GALNTL6: variants seen among roughly 807,000 people sequenced by gnomAD.
GALNTL6 encodes polypeptide N-acetylgalactosaminyltransferase-like 6.
A neutral mutation model predicts 73.7 loss-of-function variants in GALNTL6; 46 were observed. The ratio of observed to expected loss-of-function variants is 0.62; its 90% CI spans 0.49 to 0.80. The LOEUF (loss-of-function observed/expected upper bound fraction) is 0.80. Ranked by LOEUF, GALNTL6 falls within the 30% of genes least tolerant of loss-of-function variation. GALNTL6 has a pLI of 0.00. For missense variants in GALNTL6, 604 were observed against 755.0 expected (o/e 0.80, Z 2.34); for synonymous variants, 259 against 263.7 (o/e 0.98, Z 0.17).
chr4:172,718,202 T>A (rs1210117813), intron 5 of GALNTL6, among the ~76,000 whole-genome samples: 1 of 152,244 alleles, frequency 6.6e-6, no homozygotes, highest in Non-Finnish European at 1.5e-5. Flanking sequence ...TTCATCGTTA[T>A]GATGATTCAT....
At chr4:172,780,861 G>C (rs943779905) in intron 5 of GALNTL6, among the ~76,000 whole-genome samples, 1 of 152,144 alleles carries the variant, frequency 6.6e-6, no homozygotes, top group African/African-American at 2.4e-5. Flanking sequence ...AACTACATCA[G>C]CTCCCTGGGC....
chr4:172,783,306 T>A (rs1450360594), intron 5 of GALNTL6, among the ~76,000 whole-genome samples: 1 of 149,514 alleles, frequency 6.7e-6, no homozygotes, highest in African/African-American at 2.4e-5. Flanking sequence ...AATTGATCTA[T>A]AGATTCAACA....
chr4:172,134,584 A>C (rs2111025130), intron 2 of GALNTL6, among the ~76,000 whole-genome samples: 1 of 152,298 alleles, frequency 6.6e-6, no homozygotes, highest in Middle Eastern at 3.4e-3. Context: ...ACTGGAGACA[A>C]TGATAAATTA....
intron 2 of GALNTL6, among the ~76,000 whole-genome samples, chr4:171,971,608 C>G (rs140704056): frequency 2.4e-4 from 36 of 152,182 alleles, no homozygotes; most frequent in African/African-American, 7.5e-4. Context: ...GGCATGCAGT[C>G]CTCTCCAAAA....
In GALNTL6 at chr4:173,041,273, T is replaced by A. The variant is rs929042251; in HGVS notation, c.*1173T>A. ...AGCTCATAAAAGGAATTACCATTAA[T>A]AAAGTGTTTCTGACACCATTTTCTG... On this transcript the variant is annotated 3_prime_UTR_variant, in exon 13 of 13. Coordinates refer to ENST00000506823, the MANE Select transcript of GALNTL6 (RefSeq NM_001034845.3). 25 of 152,088 alleles carry A rather than the reference T, an allele frequency of 1.6e-4. No individual in the cohort carries two copies. Among genetic ancestry groups the A allele is most frequent in the African/African-American group, 5.5e-4 (23 of 41,546 alleles). The allele number at this position is 152,088 out of a possible 1,614,324, so 9.4% of individuals were successfully genotyped here. A position where few individuals can be genotyped will look rare whatever the true frequency, so the allele number is the denominator to read the frequency against.
In GALNTL6 at chr4:172,243,732, G is replaced by A. The variant is rs145188781; in HGVS notation, c.247+13968G>A. Among the ~76,000 whole-genome samples, 11 of 152,202 alleles carry A rather than the reference G, an allele frequency of 7.2e-5. No individual in the cohort carries two copies. In the East Asian group the frequency reaches 1.5e-3, roughly 21 times the overall value. On this transcript the variant is annotated intron_variant, in intron 3 of 12. Transcript: ENST00000506823. ...ATTTACCATGCTTTAAATGATTAAC[G>A]GTAGGCTTTCCTAAGTTCCTTTAAA... is the stretch of plus-strand genomic sequence containing the variant.
At position 172,188,781 on chromosome 4, in the gene GALNTL6, A is replaced by G. The variant is rs569863101; in HGVS notation, c.139-40875A>G. Among the ~76,000 whole-genome samples the G allele has an allele frequency of 5.3e-5, 8 of 152,290 alleles. No homozygotes were observed. The South Asian group carries it at 1.5e-3, about 28-fold the overall frequency. Reference sequence around the variant, plus strand: ...TCCCATAGGCAGTGTGAGGAGCAGCAGCAGGAAGCTCTGCTGAGGGAAGAG... The same window carrying G: ...TCCCATAGGCAGTGTGAGGAGCAGCGGCAGGAAGCTCTGCTGAGGGAAGAG... On this transcript the variant is annotated intron_variant, in intron 2 of 12. Coordinates refer to ENST00000506823, the MANE Select transcript of GALNTL6 (RefSeq NM_001034845.3).
At chr4:172,012,414 A>G (rs1250264631) in intron 2 of GALNTL6, among the ~76,000 whole-genome samples, 1 of 152,014 alleles carries the variant, frequency 6.6e-6, no homozygotes, top group African/African-American at 2.4e-5. Context: ...CCCTTCCCAC[A>G]TGTTCTACCA....
chr4:173,026,021 TATTGACAGTTGTTATCCCTCCAAA>T (rs1753215829), intron 12 of GALNTL6, among the ~76,000 whole-genome samples: 1 of 152,204 alleles, frequency 6.6e-6, no homozygotes, highest in Non-Finnish European at 1.5e-5. Context: ...TCCTAGGCAA[TATTGACAGTTGTTATCCCTCCAAA>T]ATTGAGCGCT....
At chr4:172,450,856 A>G (rs1156387599) in intron 5 of GALNTL6, among the ~76,000 whole-genome samples, 2 of 152,206 alleles carry the variant, frequency 1.3e-5, no homozygotes, top group East Asian at 1.9e-4. Context: ...TCCTACCTGA[A>G]ATAGACTCCA....
intron 5 of GALNTL6, among the ~76,000 whole-genome samples, chr4:172,771,740 T>C (rs1182033365): frequency 1.3e-5 from 2 of 152,222 alleles, no homozygotes; most frequent in Admixed American, 6.5e-5. Context: ...CCAGACCTAC[T>C]GTATATAGAT....
At chr4:172,905,716 T>G (rs1166430525) in intron 8 of GALNTL6, among the ~76,000 whole-genome samples, 1 of 150,572 alleles carries the variant, frequency 6.6e-6, no homozygotes, top group Non-Finnish European at 1.5e-5. Flanking sequence ...CCAAAAATGT[T>G]TAAGTCTAGG....
intron 5 of GALNTL6, among the ~76,000 whole-genome samples, chr4:172,435,066 G>T (rs1731586181): frequency 6.6e-6 from 1 of 151,758 alleles, no homozygotes; most frequent in African/African-American, 2.4e-5. Context: ...TTAATTACTG[G>T]GGTCCTTGGA....
chr4:173,008,606 A>G (rs1007540549), intron 10 of GALNTL6, among the ~76,000 whole-genome samples: 2 of 152,232 alleles, frequency 1.3e-5, no homozygotes, highest in African/African-American at 4.8e-5. Flanking sequence ...TGTCTCCCCA[A>G]GGAGTTTGGG....
chr4:172,251,799 A>G (rs1737881673), intron 3 of GALNTL6, among the ~76,000 whole-genome samples: 1 of 152,170 alleles, frequency 6.6e-6, no homozygotes, highest in Admixed American at 6.6e-5. Context: ...CACTCAGAAG[A>G]GTTTAAACCT....
At chr4:171,815,050 C>T in intron 2 of GALNTL6, 1 of 421,844 alleles carries the variant, frequency 2.4e-6, no homozygotes, top group East Asian at 3.6e-5. Context: ...GGGTTTGGTG[C>T]AAGTTTAATG....
intron 5 of GALNTL6, among the ~76,000 whole-genome samples, chr4:172,391,053 A>G (rs528950361): frequency 1.1e-4 from 17 of 152,390 alleles, no homozygotes; most frequent in Non-Finnish European, 1.6e-4. Flanking sequence ...TAGACTAGGT[A>G]AATGAGAACC....
chr4:172,689,126 C>G (rs1191881209), intron 5 of GALNTL6, among the ~76,000 whole-genome samples: 3 of 152,120 alleles, frequency 2.0e-5, no homozygotes, highest in African/African-American at 7.2e-5. Context: ...TATCCCCACC[C>G]CTGACACCTA....
intron 5 of GALNTL6, among the ~76,000 whole-genome samples, chr4:172,588,218 C>A (rs1028617088): frequency 2.0e-5 from 3 of 152,098 alleles, no homozygotes; most frequent in Non-Finnish European, 2.9e-5. Flanking sequence ...GTAGTTTTTA[C>A]CATGGGTCTT....
Sources: gnomAD v4.1 joint callset for allele counts (sites outside exome capture counted in the v4.1 genomes callset) on GRCh38, gnomAD v4.1.1 for gene constraint, MANE v1.5 for transcripts, NCBI Gene and HGNC (gene_info 2026-07-23, HGNC 2026-07-21) for gene names.